CDH12: variants seen among roughly 807,000 people sequenced by gnomAD.
CDH12 encodes the protein cadherin 12, also known as cadherin-12.
A neutral mutation model predicts 74.1 loss-of-function variants in CDH12; 41 were observed. That is an observed-to-expected ratio of 0.55 (90% CI 0.43 to 0.72). The LOEUF is 0.72. Among genes scored for constraint, CDH12 ranks in the 30% least tolerant of loss-of-function variants. The pLI, the probability that CDH12 is intolerant of heterozygous loss-of-function variation, is 0.00. For missense variants in CDH12, 945 were observed against 977.2 expected, an observed-to-expected ratio of 0.97 and a Z score of 0.44; for synonymous variants, 399 against 355.0, an observed-to-expected ratio of 1.12 and a Z score of -1.39.
At chr5:22,283,463 T>G (rs1737007414) in intron 3 of CDH12, among the ~76,000 whole-genome samples, 1 of 151,812 alleles carries the variant, frequency 6.6e-6, no homozygotes, top group South Asian at 2.1e-4. Flanking sequence ...ATATATTCAG[T>G]TGCAACAACA....
chr5:21,752,799 G>A (rs1744173242), intron 14 of CDH12, among the ~76,000 whole-genome samples: 1 of 151,700 alleles, frequency 6.6e-6, no homozygotes, highest in South Asian at 2.1e-4. Flanking sequence ...AGGAAGTAGA[G>A]GAAGGAAGGA....
chr5:22,713,886 T>C (rs1743429208), intron 1 of CDH12, among the ~76,000 whole-genome samples: 1 of 152,212 alleles, frequency 6.6e-6, no homozygotes, highest in African/African-American at 2.4e-5. Context: ...CTATTACCAA[T>C]GTATCACTGA....
At chr5:22,437,271 G>A (rs1208865511) in intron 2 of CDH12, among the ~76,000 whole-genome samples, 1 of 151,322 alleles carries the variant, frequency 6.6e-6, no homozygotes, top group African/African-American at 2.4e-5. Flanking sequence ...TATCTACTTG[G>A]ATTTAGCACA....
chr5:22,721,231 C>T (rs2126989456), intron 1 of CDH12, among the ~76,000 whole-genome samples: 1 of 152,316 alleles, frequency 6.6e-6, no homozygotes. Flanking sequence ...CCAGCTGTGG[C>T]TAAAAGGGGC....
intron 2 of CDH12, among the ~76,000 whole-genome samples, chr5:22,453,817 C>T (rs534976916): frequency 4.6e-5 from 7 of 152,072 alleles, no homozygotes; most frequent in African/African-American, 1.7e-4. Context: ...ACGATGTATA[C>T]ATGTATATAT....
chr5:22,849,741 A>G (rs1737464740), intron 1 of CDH12, among the ~76,000 whole-genome samples: 1 of 152,126 alleles, frequency 6.6e-6, no homozygotes, highest in African/African-American at 2.4e-5. Context: ...CATGAGATGT[A>G]TATATTTTAA....
intron 6 of CDH12, among the ~76,000 whole-genome samples, chr5:21,964,437 C>T (rs1369448046): frequency 6.6e-6 from 1 of 151,940 alleles, no homozygotes; most frequent in Non-Finnish European, 1.5e-5. Flanking sequence ...TTTTGTTTTT[C>T]CTGCAGCATT....
intron 6 of CDH12, among the ~76,000 whole-genome samples, chr5:21,900,938 A>G (rs1297023010): frequency 6.6e-6 from 1 of 152,202 alleles, no homozygotes; most frequent in East Asian, 1.9e-4. Context: ...CACTGCAAAC[A>G]AAAGTCCAGG....
chr5:22,301,835 T>C (rs1044665888), intron 3 of CDH12, among the ~76,000 whole-genome samples: 2 of 151,744 alleles, frequency 1.3e-5, no homozygotes, highest in Admixed American at 1.3e-4. Flanking sequence ...CATTTATTTA[T>C]TTATTGTATT....
chr5:22,157,913 T>C (rs1033510509), intron 4 of CDH12, among the ~76,000 whole-genome samples: 1 of 151,058 alleles, frequency 6.6e-6, no homozygotes, highest in Non-Finnish European at 1.5e-5. Flanking sequence ...TTCCAATATG[T>C]TTTTTTTTCC....
intron 3 of CDH12, among the ~76,000 whole-genome samples, chr5:22,393,961 G>A (rs978828198): frequency 6.6e-6 from 1 of 152,052 alleles, no homozygotes; most frequent in Admixed American, 6.6e-5. Context: ...AGTGCAGCCT[G>A]TTTTTTCTTT....
At chr5:21,762,174 C>T (rs1234870771) in intron 12 of CDH12, among the ~76,000 whole-genome samples, 1 of 152,060 alleles carries the variant, frequency 6.6e-6, no homozygotes, top group African/African-American at 2.4e-5. Context: ...TGTATAACAT[C>T]AAAATCTATC....
intron 3 of CDH12, among the ~76,000 whole-genome samples, chr5:22,313,353 T>C (rs1313951168): frequency 2.0e-5 from 3 of 152,124 alleles, no homozygotes; most frequent in Non-Finnish European, 4.4e-5. Flanking sequence ...TAAAATAAAG[T>C]CAAAGAAGGG....
chr5:22,710,278 T>A (rs991951352), intron 1 of CDH12, among the ~76,000 whole-genome samples: 3 of 152,236 alleles, frequency 2.0e-5, no homozygotes, highest in African/African-American at 4.8e-5. Flanking sequence ...TTTTCACTTC[T>A]AAATATACAG....
At chr5:21,785,464 C>T (rs1417623784) in intron 10 of CDH12, among the ~76,000 whole-genome samples, 2 of 152,186 alleles carry the variant, frequency 1.3e-5, no homozygotes, top group Non-Finnish European at 1.5e-5. Flanking sequence ...CTAGGCCTCT[C>T]ATGCCAAACA....
intron 5 of CDH12, among the ~76,000 whole-genome samples, chr5:22,058,041 C>T (rs1740872406): frequency 6.7e-6 from 1 of 149,158 alleles, no homozygotes; most frequent in African/African-American, 2.5e-5. Flanking sequence ...ATCTATCTAT[C>T]TATCATCTAT....
intron 3 of CDH12, among the ~76,000 whole-genome samples, chr5:22,388,654 T>G (rs1403599184): frequency 6.6e-6 from 1 of 152,190 alleles, no homozygotes; most frequent in South Asian, 2.1e-4. Context: ...TACAATAGTT[T>G]TATTTACAAA....
At chr5:22,840,953 G>A (rs1737056414) in intron 1 of CDH12, among the ~76,000 whole-genome samples, 1 of 152,126 alleles carries the variant, frequency 6.6e-6, no homozygotes, top group Non-Finnish European at 1.5e-5. Context: ...GTTGGACAGA[G>A]CTGCAGAAGA....
chr5:22,373,343 G>A (rs1479230225), intron 3 of CDH12, among the ~76,000 whole-genome samples: 1 of 152,174 alleles, frequency 6.6e-6, no homozygotes, highest in African/African-American at 2.4e-5. Context: ...AACCACTTGG[G>A]TTCCAGTGGG....
Sources: allele counts gnomAD v4.1 joint callset (sites outside exome capture counted in the v4.1 genomes callset), GRCh38; gene constraint gnomAD v4.1.1; transcripts MANE v1.5; gene names NCBI Gene and HGNC (gene_info 2026-07-23, HGNC 2026-07-21).